Variants in GRID2 observed in about 807,000 individuals in gnomAD.
GRID2 encodes the protein glutamate ionotropic receptor delta type subunit 2, also known as glutamate receptor ionotropic, delta-2.
GRID2 carries 33 observed loss-of-function variants against 114.8 expected under a neutral mutation model. That is an observed-to-expected ratio of 0.29 (90% CI 0.22 to 0.38). The LOEUF (loss-of-function observed/expected upper bound fraction) is 0.38, where lower values mean the gene tolerates loss of function less well. Ranked by LOEUF, GRID2 falls within the 10% of genes least tolerant of loss-of-function variation. The pLI is 1.00. For missense variants in GRID2, 1,184 were observed against 1,257.7 expected, an observed-to-expected ratio of 0.94 and a Z score of 0.89; for synonymous variants, 505 against 449.9, an observed-to-expected ratio of 1.12 and a Z score of -1.55.
chr4:92,434,648 T>C (rs1036426731), intron 1 of GRID2, among the ~76,000 whole-genome samples: 3 of 152,286 alleles, frequency 2.0e-5, no homozygotes, highest in African/African-American at 4.8e-5. Flanking sequence ...TTATATTATT[T>C]AATTTTCACA....
chr4:92,618,206 T>G (rs1304548434), intron 2 of GRID2, among the ~76,000 whole-genome samples: 1 of 151,736 alleles, frequency 6.6e-6, no homozygotes, highest in Non-Finnish European at 1.5e-5. Flanking sequence ...GTGGAGGATC[T>G]AGTTTTATTT....
intron 14 of GRID2, among the ~76,000 whole-genome samples, chr4:93,745,450 A>G (rs1001339428): frequency 3.3e-5 from 5 of 152,148 alleles, no homozygotes; most frequent in African/African-American, 1.2e-4. Flanking sequence ...GCTGATGCAC[A>G]TTTATAAAAA....
At chr4:93,024,655 T>C (rs2149250233) in intron 2 of GRID2, among the ~76,000 whole-genome samples, 1 of 151,930 alleles carries the variant, frequency 6.6e-6, no homozygotes, top group Non-Finnish European at 1.5e-5. Flanking sequence ...CACTGGCAAA[T>C]GCACTTGTCA....
intron 8 of GRID2, among the ~76,000 whole-genome samples, chr4:93,368,892 C>T (rs1046635425): frequency 2.0e-5 from 3 of 151,918 alleles, no homozygotes; most frequent in African/African-American, 7.3e-5. Context: ...TAAAAGAAAA[C>T]GTTGATTTCA....
At chr4:93,587,275 T>C (rs1350609370) in intron 13 of GRID2, among the ~76,000 whole-genome samples, 1 of 152,152 alleles carries the variant, frequency 6.6e-6, no homozygotes. Flanking sequence ...TGCAGTTATC[T>C]AAATATTAAA....
At chr4:93,645,282 G>C in intron 14 of GRID2, among the ~76,000 whole-genome samples, 1 of 152,114 alleles carries the variant, frequency 6.6e-6, no homozygotes, top group Admixed American at 6.6e-5. Flanking sequence ...AGCCAGAAGA[G>C]GAAACTGGTT....
At chr4:93,128,149 G>C (rs140264619) in intron 4 of GRID2, among the ~76,000 whole-genome samples, 2 of 148,534 alleles carry the variant, frequency 1.3e-5, no homozygotes, top group Non-Finnish European at 3.0e-5. Context: ...GAGGTAGTCA[G>C]TATGCCTAAC....
chr4:92,865,004 C>T (rs1257967274), intron 2 of GRID2, among the ~76,000 whole-genome samples: 2 of 152,094 alleles, frequency 1.3e-5, no homozygotes, highest in Non-Finnish European at 2.9e-5. Flanking sequence ...CAGTGATTTT[C>T]AAACATTCTA....
chr4:93,540,207 T>C (rs766292956), intron 13 of GRID2, among the ~76,000 whole-genome samples: 2 of 152,076 alleles, frequency 1.3e-5, no homozygotes, highest in Non-Finnish European at 2.9e-5. Flanking sequence ...TGTTGTATTT[T>C]CTTTAGAATT....
At chr4:92,757,525 A>T (rs1363224426) in intron 2 of GRID2, among the ~76,000 whole-genome samples, 1 of 152,096 alleles carries the variant, frequency 6.6e-6, no homozygotes, top group Non-Finnish European at 1.5e-5. Context: ...TGTATGTACA[A>T]ATTTGGAGCT....
At chr4:93,239,862 A>G (rs1355760145) in intron 8 of GRID2, among the ~76,000 whole-genome samples, 3 of 151,642 alleles carry the variant, frequency 2.0e-5, no homozygotes, top group Non-Finnish European at 4.4e-5. Flanking sequence ...ACATCCTTAT[A>G]TAATTGTTTT....
At chr4:92,890,724 A>G (rs1382612998) in intron 2 of GRID2, among the ~76,000 whole-genome samples, 1 of 152,188 alleles carries the variant, frequency 6.6e-6, no homozygotes. Context: ...AAGGATATAG[A>G]ACCAGAAATA....
rs535941505 is a variant in GRID2 at position 92,465,852 on chromosome 4, T to C, written c.89-124279T>C. ...ACATGTTTGCATAAATCCTGACTTA[T>C]AGATGTGGTAATAAACAAACAAAAT... On this transcript the variant is annotated intron_variant, in intron 1 of 15. Coordinates refer to ENST00000282020, the MANE Select transcript of GRID2 (RefSeq NM_001510.4). Among the ~76,000 whole-genome samples the C allele has an allele frequency of 3.9e-5, 6 of 152,098 alleles. No homozygotes were observed. In the East Asian group the frequency reaches 5.8e-4, roughly 15 times the overall value.
At chr4:93,199,257 G>T (rs1483196196) in intron 4 of GRID2, among the ~76,000 whole-genome samples, 1 of 152,146 alleles carries the variant, frequency 6.6e-6, no homozygotes, top group Non-Finnish European at 1.5e-5. Flanking sequence ...TCTGACACTG[G>T]CAATGATTTT....
At chr4:92,993,313 TTC>T (rs1001229869) in intron 2 of GRID2, among the ~76,000 whole-genome samples, 18 of 152,020 alleles carry the variant, frequency 1.2e-4, no homozygotes, top group African/African-American at 4.3e-4. Flanking sequence ...ACAAAAAACT[TTC>T]TGTTGAATGC....
At chr4:92,366,032 G>A (rs1346713090) in intron 1 of GRID2, among the ~76,000 whole-genome samples, 2 of 152,050 alleles carry the variant, frequency 1.3e-5, no homozygotes, top group Non-Finnish European at 2.9e-5. Flanking sequence ...GTTGGCTACT[G>A]TTATGTATTA....
rs1221224935 is a variant in GRID2 at position 93,694,454 on chromosome 4, T to TAGGC, written c.2360+68020_2360+68023dup. On this transcript the variant is annotated intron_variant, in intron 14 of 15. Coordinates refer to ENST00000282020, the MANE Select transcript of GRID2 (RefSeq NM_001510.4). ...CTCTTGCTTTGGCTACTGTCATGTA[T>TAGGC]AGGCCTCTGGGTCTTGCGATCCATG... 1.3e-4 allele frequency among the ~76,000 whole-genome samples: 20 copies of TAGGC among 152,354 alleles called. No individual in the cohort carries two copies. The East Asian group carries it at 3.9e-3, about 29-fold the overall frequency.
intron 3 of GRID2, among the ~76,000 whole-genome samples, chr4:93,100,597 A>T (rs913598617): frequency 2.0e-4 from 30 of 152,110 alleles, no homozygotes; most frequent in East Asian, 3.9e-4. Flanking sequence ...TCCTATTTTT[A>T]AAAAAAGCCC....
chr4:93,269,757 C>T (rs1272859336), intron 8 of GRID2, among the ~76,000 whole-genome samples: 1 of 152,144 alleles, frequency 6.6e-6, no homozygotes, highest in African/African-American at 2.4e-5. Context: ...AATCAAATAT[C>T]CCTTCAGGGA....
Sources: gnomAD v4.1 joint callset for allele counts (sites outside exome capture counted in the v4.1 genomes callset) on GRCh38, gnomAD v4.1.1 for gene constraint, MANE v1.5 for transcripts, NCBI Gene and HGNC (gene_info 2026-07-23, HGNC 2026-07-21) for gene names.